Variants in KIF16B observed in about 807,000 individuals in gnomAD.
KIF16B encodes kinesin family member 16B.
In KIF16B, 98 loss-of-function variants were observed where a neutral mutation model predicts 156.3. That is an observed-to-expected ratio of 0.63 (90% CI 0.53 to 0.74). The LOEUF is 0.74. KIF16B is among the 30% of genes least tolerant of loss of function. The pLI, the probability that KIF16B is intolerant of heterozygous loss-of-function variation, is 0.00. For synonymous variants in KIF16B, 564 were observed against 583.7 expected (o/e 0.97, Z 0.49); for missense variants, 1,421 against 1,606.5 (o/e 0.88, Z 1.97).
Position 16,504,560 on chromosome 20 carries a change from T to C in KIF16B, c.1001-13A>G. The C allele has an allele frequency of 6.2e-7, 1 of 1,607,900 alleles. No homozygotes were observed. The highest frequency in any genetic ancestry group is 8.5e-7 in the Non-Finnish European group (1 of 1,175,520). ...GCAGGTGAAATGGCTGTGAAGAATG[T>C]ATTCAAAAAATAATTTATCCAGCAC... On this transcript the variant is annotated splice_polypyrimidine_tract_variant and intron_variant, in intron 9 of 25. Transcript: ENST00000354981.
intron 12 of KIF16B, among the ~76,000 whole-genome samples, chr20:16,489,092 CA>C: frequency 6.6e-6 from 1 of 152,336 alleles, no homozygotes; most frequent in South Asian, 2.1e-4. Context: ...CTGGCAACAG[CA>C]GAGACCAGCA....
At chr20:16,563,311 A>AT (rs2071136260) in intron 1 of KIF16B, among the ~76,000 whole-genome samples, 1 of 152,216 alleles carries the variant, frequency 6.6e-6, no homozygotes, top group Admixed American at 6.5e-5. Flanking sequence ...CCCTGGAAGG[A>AT]TTTTTTCCCC....
At chr20:16,562,538 C>T (rs2071100805) in intron 1 of KIF16B, among the ~76,000 whole-genome samples, 1 of 152,110 alleles carries the variant, frequency 6.6e-6, no homozygotes, top group African/African-American at 2.4e-5. Context: ...CCCTCACGAG[C>T]AACCACAGAA....
chr20:16,520,096 G>A (rs187022899), intron 3 of KIF16B, among the ~76,000 whole-genome samples: 3 of 151,486 alleles, frequency 2.0e-5, no homozygotes, highest in Admixed American at 2.0e-4. Context: ...CTGGGTGGCT[G>A]TTCAGGCAGA....
At chr20:16,450,985 CG>C (rs1337821008) in intron 12 of KIF16B, among the ~76,000 whole-genome samples, 1 of 152,138 alleles carries the variant, frequency 6.6e-6, no homozygotes, top group African/African-American at 2.4e-5. Flanking sequence ...GAGAGTGCCG[CG>C]CATCTTCTGT....
intron 12 of KIF16B, among the ~76,000 whole-genome samples, chr20:16,439,237 C>T (rs1466382401): frequency 6.6e-6 from 1 of 152,156 alleles, no homozygotes; most frequent in Non-Finnish European, 1.5e-5. Flanking sequence ...TCCCAGTAAC[C>T]TTCACAGCCT....
intron 16 of KIF16B, 43 bp from the exon 17 acceptor site, chr20:16,404,944 GA>G: frequency 7.0e-7 from 1 of 1,421,146 alleles, no homozygotes; most frequent in Non-Finnish European, 9.9e-7. Context: ...TAGCAGAGAA[GA>G]AAAGGCCACT....
chr20:16,528,501 A>C (rs185773568), intron 1 of KIF16B, 61 bp from the exon 2 acceptor site: 1 of 1,203,512 alleles, frequency 8.3e-7, no homozygotes, highest in East Asian at 2.3e-5. Context: ...ACAAAACAAA[A>C]CTAAACCCAT....
chr20:16,451,695 C>T (rs1454566174), intron 12 of KIF16B, among the ~76,000 whole-genome samples: 1 of 152,080 alleles, frequency 6.6e-6, no homozygotes. Flanking sequence ...TTCATGTCAC[C>T]CTATCCAGTG....
chr20:16,332,163 A>G (rs956874638), intron 24 of KIF16B, among the ~76,000 whole-genome samples: 2 of 152,192 alleles, frequency 1.3e-5, no homozygotes, highest in Non-Finnish European at 2.9e-5. Flanking sequence ...GTTTAGAAAC[A>G]GAAAGTAGAG....
intron 22 of KIF16B, among the ~76,000 whole-genome samples, chr20:16,362,863 CT>C (rs2064577199): frequency 6.6e-6 from 1 of 152,202 alleles, no homozygotes; most frequent in African/African-American, 2.4e-5. Context: ...CTATAACCCA[CT>C]ACACCTTCAG....
At chr20:16,561,785 T>C (rs1396211886) in intron 1 of KIF16B, among the ~76,000 whole-genome samples, 2 of 152,208 alleles carry the variant, frequency 1.3e-5, no homozygotes, top group East Asian at 1.9e-4. Context: ...AACTTCAACG[T>C]ATTTGTGATA....
At chr20:16,482,043 A>G (rs762400182) in intron 12 of KIF16B, among the ~76,000 whole-genome samples, 26 of 152,154 alleles carry the variant, frequency 1.7e-4, no homozygotes, top group Non-Finnish European at 3.4e-4. Context: ...TGGATCCAGA[A>G]TAACAAAGGT....
intron 12 of KIF16B, among the ~76,000 whole-genome samples, chr20:16,478,642 G>A (rs943404998): frequency 7.9e-5 from 12 of 152,054 alleles, no homozygotes; most frequent in Non-Finnish European, 1.8e-4. Flanking sequence ...ACTATTAGTA[G>A]ACAGTTACCA....
intron 25 of KIF16B, among the ~76,000 whole-genome samples, chr20:16,287,179 T>A (rs576333770): frequency 6.6e-6 from 1 of 152,214 alleles, no homozygotes; most frequent in African/African-American, 2.4e-5. Flanking sequence ...ATAAATGAAA[T>A]TAGTCAAAGC....
Position 16,504,226 on chromosome 20 carries a change from C to T in KIF16B, c.1176+146G>A, listed in dbSNP as rs563387832. ...AAGGCTGACAAGAGGTTGATGTAAA[C>T]GAGGGACTGGCTAACTCATTCAAAG... is the stretch of plus-strand genomic sequence containing the variant. On this transcript the variant is annotated intron_variant, in intron 10 of 25. Transcript: ENST00000354981. 431 of 743,772 alleles carry T rather than the reference C, an allele frequency of 5.8e-4. 1 individual carries two copies. The highest frequency in any genetic ancestry group is 8.7e-4 in the Non-Finnish European group (393 of 453,588). The allele number at this position is 743,772 out of a possible 1,614,324, so 46.1% of individuals were successfully genotyped here. A position where few individuals can be genotyped will look rare whatever the true frequency, so the allele number is the denominator to read the frequency against.
intron 23 of KIF16B, among the ~76,000 whole-genome samples, chr20:16,337,997 C>A (rs1389862503): frequency 6.6e-6 from 1 of 152,212 alleles, no homozygotes; most frequent in Admixed American, 6.5e-5. Flanking sequence ...CAGAAAGCCA[C>A]CTCCAAAAGC....
At position 16,528,447 on chromosome 20, in the gene KIF16B, T is replaced by C. The variant is rs1207026300; in HGVS notation, c.48-7A>G. 1.9e-6 allele frequency: 3 copies of C among 1,588,864 alleles called. No homozygotes were observed. Among genetic ancestry groups the C allele is most frequent in the Admixed American group, 3.3e-5 (2 of 59,976 alleles). On this transcript the variant is annotated splice_region_variant and splice_polypyrimidine_tract_variant and intron_variant, in intron 1 of 25. Transcript: ENST00000354981. ...GGCCTCCAAGTCCTTTTCCCTGCAA[T>C]ACAAATAATTCAGTAGTGGTTAGAA...
chr20:16,282,776 G>A (rs546817623), intron 25 of KIF16B, among the ~76,000 whole-genome samples: 30 of 152,238 alleles, frequency 2.0e-4, no homozygotes, highest in African/African-American at 7.2e-4. Flanking sequence ...CATGCTGGGG[G>A]CCCTACACAG....
Sources: allele counts gnomAD v4.1 joint callset (sites outside exome capture counted in the v4.1 genomes callset), GRCh38; gene constraint gnomAD v4.1.1; transcripts MANE v1.5; gene names NCBI Gene and HGNC (gene_info 2026-07-23, HGNC 2026-07-21).